SETD9: variants seen among roughly 807,000 people sequenced by gnomAD.
SETD9 encodes the protein SET domain containing 9, also known as SET domain-containing protein 9.
In SETD9, 37 loss-of-function variants were observed where a neutral mutation model predicts 36.4. The ratio of observed to expected loss-of-function variants is 1.02; its 90% CI spans 0.78 to 1.34. The LOEUF (loss-of-function observed/expected upper bound fraction) is 1.34. Among genes scored for constraint, SETD9 ranks in the 40% most tolerant of loss-of-function variants. The pLI, the probability that SETD9 is intolerant of heterozygous loss-of-function variation, is 0.00. For missense variants in SETD9, 323 were observed against 353.2 expected (o/e 0.91, Z 0.69); for synonymous variants, 128 against 132.9 (o/e 0.96, Z 0.26).
intron 2 of SETD9, 46 bp from the exon 3 acceptor site, chr5:56,912,965 G>T (rs1167627801): frequency 1.9e-6 from 3 of 1,590,090 alleles, no homozygotes; most frequent in South Asian, 2.2e-5. Context: ...CAGTGTTTAT[G>T]ATTTTTCATG....
intron 3 of SETD9, 75 bp from the exon 4 acceptor site, chr5:56,913,799 T>A: frequency 1.2e-6 from 1 of 830,118 alleles, no homozygotes; most frequent in Non-Finnish European, 1.9e-6. Context: ...TGCACTGGTG[T>A]AATTCTAGGG....
chr5:56,916,773 A>G (rs1190883319), intron 5 of SETD9, 42 bp from the exon 6 acceptor site: 1 of 1,586,092 alleles, frequency 6.3e-7, no homozygotes, highest in South Asian at 1.2e-5. Flanking sequence ...ATGAGCTTAT[A>G]TTTGTTAATG....
intron 2 of SETD9, chr5:56,912,171 A>T: frequency 9.1e-6 from 9 of 985,286 alleles, no homozygotes; most frequent in Non-Finnish European, 9.6e-6. Flanking sequence ...AAGAAAAAAA[A>T]AAAGCGTACG....
chr5:56,925,210 A>G (rs1178287480), intron 5 of SETD9: 2 of 328,608 alleles, frequency 6.1e-6, no homozygotes, highest in East Asian at 1.8e-4. Flanking sequence ...ATTTTCAAAC[A>G]TACAGAAAGT....
intron 2 of SETD9, chr5:56,912,328 C>A: frequency 1.4e-6 from 1 of 735,288 alleles, no homozygotes; most frequent in Non-Finnish European, 1.7e-6. Context: ...GTTAAACTAA[C>A]ATTATATTAT....
At chr5:56,918,626 T>TGAAG (rs1355497197), downstream of SETD9, among the ~76,000 whole-genome samples, 2 of 150,658 alleles carry the variant, frequency 1.3e-5, no homozygotes, top group Admixed American at 6.6e-5. Context: ...GTCCCTGCTC[T>TGAAG]GAAGGCACTT....
Position 56,917,039 on chromosome 5 carries a change from T to A in SETD9, c.*137T>A. The A allele has an allele frequency of 7.4e-7, 1 of 1,343,816 alleles. No individual in the cohort carries two copies. 83.2% of individuals were successfully genotyped at this position (1,343,816 alleles called of 1,614,324 possible). A position where few individuals can be genotyped will look rare whatever the true frequency, so the allele number is the denominator to read the frequency against. On this transcript the variant is annotated 3_prime_UTR_variant, in exon 6 of 6. Transcript: ENST00000285947. The stretch of plus-strand genomic sequence containing the variant: ...GGAATAGGAATTTCTTATGTTTTTG[T>A]TGATATTATATTTATGTTCCAATTT...
chr5:56,909,496 G>A (rs1748974538), upstream of SETD9: 2 of 560,640 alleles, frequency 3.6e-6, no homozygotes, highest in Non-Finnish European at 6.2e-6. Context: ...AAGCCCCAGA[G>A]CAACAGAAGT....
At chr5:56,919,812 T>C (rs1374178809), downstream of SETD9, 1 of 152,624 alleles carries the variant, frequency 6.6e-6, no homozygotes, top group Non-Finnish European at 1.5e-5. Context: ...ACTGGGACAA[T>C]TGGAATCACT....
intron 3 of SETD9, 135 bp from the exon 4 acceptor site, chr5:56,913,739 T>G: frequency 1.7e-6 from 1 of 591,622 alleles, no homozygotes; most frequent in Non-Finnish European, 3.0e-6. Context: ...AACAACTCAG[T>G]TGCCCTACTG....
intron 5 of SETD9, 104 bp downstream of exon 5, chr5:56,915,070 T>C: frequency 1.5e-6 from 1 of 671,708 alleles, no homozygotes; most frequent in African/African-American, 1.8e-5. Flanking sequence ...TTTTTTTTAG[T>C]GAAAAATTAT....
chr5:56,910,274 A>G (rs1579805441), intron 1 of SETD9: 3 of 1,304,082 alleles, frequency 2.3e-6, no homozygotes, highest in Non-Finnish European at 3.0e-6. Flanking sequence ...AGTTCATACA[A>G]GTACTTCACG....
Position 56,914,900 on chromosome 5 carries a change from C to T in SETD9, c.746C>T (p.Pro249Leu). The T allele has an allele frequency of 6.2e-7, 1 of 1,602,304 alleles. No homozygotes were observed. The highest frequency in any genetic ancestry group is 8.5e-7 in the Non-Finnish European group (1 of 1,171,950). Residue 249 changes from proline (P) to leucine (L), a missense_variant, in exon 5 of 6, where the codon CCT (proline) becomes CTT (leucine). Coordinates refer to ENST00000285947, the MANE Select transcript of SETD9 (RefSeq NM_153706.4). ...GTCTGTTATCAGGAATTTGATGTGC[C>T]TGCAGTTTTCCCTATAGAACTGAAG... ...ANVCYQEFDV[P>L]AVFPIELKQY... is the part of the protein sequence containing the mutation.
chr5:56,922,772 G>A (rs979894086), intron 5 of SETD9: 2 of 234,240 alleles, frequency 8.5e-6, no homozygotes, highest in Non-Finnish European at 1.7e-5. Flanking sequence ...TTGAGCTGGT[G>A]GCCTCTGTCT....
At position 56,914,864 on chromosome 5, in the gene SETD9, G is replaced by C. The variant is rs758808521; in HGVS notation, c.710G>C (p.Arg237Thr). The change falls in exon 5 of 6, where the codon AGA becomes ACA. Residue 237 changes from arginine (R) to threonine (T), a missense_variant. Physicochemically the swap from Arg to Thr is moderately conservative, Grantham distance 71. Coordinates refer to ENST00000285947, the MANE Select transcript of SETD9 (RefSeq NM_153706.4). ...GQYVNNCSND[R>T]AANVCYQEFD... ...AAAATGATGTGCTTGTTCCTAGACA[G>C]AGCAGCTAATGTCTGTTATCAGGAA... is the stretch of plus-strand genomic sequence containing the variant. 6.3e-7 allele frequency: 1 copy of C among 1,597,326 alleles called. No individual in the cohort carries two copies.
downstream of SETD9, chr5:56,921,704 T>C (rs1222172235): frequency 1.3e-5 from 2 of 152,642 alleles, no homozygotes; most frequent in Non-Finnish European, 2.9e-5. Context: ...CTTACAAATA[T>C]TAGCAATGCA....
chr5:56,918,558 T>C (rs943785571), downstream of SETD9, among the ~76,000 whole-genome samples: 1 of 152,230 alleles, frequency 6.6e-6, no homozygotes, highest in Admixed American at 6.5e-5. Context: ...CTGAAAATAC[T>C]CTGAGCTCTC....
chr5:56,909,419 A>AG, upstream of SETD9: 1 of 432,504 alleles, frequency 2.3e-6, no homozygotes. Context: ...AAAGTGGTCA[A>AG]GGGGACCTCC....
At chr5:56,909,831 A>G in intron 1 of SETD9, 88 bp downstream of exon 1, 1 of 1,144,768 alleles carries the variant, frequency 8.7e-7, no homozygotes, top group Non-Finnish European at 1.2e-6. Context: ...GGAGAGCCTG[A>G]GGCTGACTGC....
Sources: allele counts gnomAD v4.1 joint callset (sites outside exome capture counted in the v4.1 genomes callset), GRCh38; gene constraint gnomAD v4.1.1; transcripts MANE v1.5; gene names NCBI Gene and HGNC (gene_info 2026-07-23, HGNC 2026-07-21).